POLE: variants seen among roughly 807,000 people sequenced by gnomAD.
The protein encoded by POLE is DNA polymerase epsilon, catalytic subunit, also known as DNA polymerase epsilon catalytic subunit A.
A neutral mutation model predicts 279.2 loss-of-function variants in POLE; 188 were observed. That is an observed-to-expected ratio of 0.67 (90% CI 0.60 to 0.76). The LOEUF (loss-of-function observed/expected upper bound fraction) is 0.76, where lower values mean the gene tolerates loss of function less well. Among genes scored for constraint, POLE ranks in the 30% least tolerant of loss-of-function variants. POLE has a pLI of 0.00. For missense variants in POLE, 2,703 were observed against 3,016.7 expected, an observed-to-expected ratio of 0.90 and a Z score of 2.44; for synonymous variants, 1,214 against 1,172.5, an observed-to-expected ratio of 1.04 and a Z score of -0.72.
At position 132,639,850 on chromosome 12, in the gene POLE, G is replaced by A. The variant is rs963789501; in HGVS notation, c.5379-552C>T. On this transcript the variant is annotated intron_variant, in intron 39 of 48. Coordinates refer to ENST00000320574, the MANE Select transcript of POLE (RefSeq NM_006231.4). The surrounding 1 kb of genome is among the most constrained non-coding windows in gnomAD (Gnocchi z 4.7). ...GTAATCCTGCTACTCGGGAGGCTAAGGCAGGAGAATCGCTTGAACCCGGGA... is the reference window on the plus strand; with the variant it reads ...GTAATCCTGCTACTCGGGAGGCTAAAGCAGGAGAATCGCTTGAACCCGGGA... Among the ~76,000 whole-genome samples the A allele has an allele frequency of 6.6e-6, 1 of 152,208 alleles. No homozygotes were observed. Among genetic ancestry groups the A allele is most frequent in the Non-Finnish European group, 1.5e-5 (1 of 68,042 alleles).
In POLE at chr12:132,665,370, C is replaced by A. The variant is rs776882880; in HGVS notation, c.2400G>T (p.Leu800=). ...EVKRCKNMEV[L]YDSLQLAHKC... is the part of the protein sequence containing the mutation. ...TGTGGGCCAGCTGCAGCGAGTCATA[C>A]AGCACCTCCATGTTCTTGCAGCGCT... Residue 800 remains leucine, a synonymous_variant, in exon 21 of 49, where the codon CTG becomes CTT. Coordinates refer to ENST00000320574, the MANE Select transcript of POLE (RefSeq NM_006231.4). 1.2e-6 allele frequency: 2 copies of A among 1,613,986 alleles called. No individual in the cohort carries two copies. The highest frequency in any genetic ancestry group is 2.2e-5 in the East Asian group (1 of 44,876).
chr12:132,686,787 T>G (rs1369106896), intron 1 of POLE, among the ~76,000 whole-genome samples: 1 of 151,966 alleles, frequency 6.6e-6, no homozygotes, highest in Non-Finnish European at 1.5e-5. Flanking sequence ...CAGGCTGATC[T>G]AGAACAGGAT....
chr12:132,664,398 GGGT>G lies in POLE; in HGVS notation c.2530_2532del (p.Thr844del). 1 of 1,614,018 alleles carries G rather than the reference GGGT, an allele frequency of 6.2e-7. No homozygotes were observed. Among genetic ancestry groups the G allele is most frequent in the South Asian group, 1.1e-5 (1 of 91,084 alleles). On this transcript the variant is annotated inframe_deletion, in exon 22 of 49. Transcript: ENST00000320574. The surrounding 1 kb of genome is among the most constrained non-coding windows in gnomAD (Gnocchi z 5.3). ...ATCTGCTCGATCAGCTCCCGTGCCT[GGGT>G]GATGATGTTGGCCCCTGTGAAGCAG...
At chr12:132,671,450 C>T (rs1343311349) in intron 16 of POLE, among the ~76,000 whole-genome samples, 1 of 151,158 alleles carries the variant, frequency 6.6e-6, no homozygotes, top group African/African-American at 2.5e-5. Flanking sequence ...GCAGGCGGAT[C>T]ACAAGGTCAG....
intron 5 of POLE, 121 bp downstream of exon 5, chr12:132,679,833 G>A: frequency 2.1e-6 from 2 of 974,320 alleles, no homozygotes; most frequent in South Asian, 3.2e-5. Context: ...TTTATAGACG[G>A]TCACCACACC....
intron 14 of POLE, 36 bp from the exon 15 acceptor site, chr12:132,672,875 C>T (rs2135994592): frequency 6.4e-7 from 1 of 1,574,610 alleles, no homozygotes; most frequent in Non-Finnish European, 8.7e-7. Context: ...CCAAAAGCAA[C>T]ACCAAAGGCC....
chr12:132,667,772 A>G, intron 19 of POLE, 124 bp from the exon 20 acceptor site: 2 of 1,019,852 alleles, frequency 2.0e-6, no homozygotes, highest in Non-Finnish European at 2.9e-6. Context: ...GCTCAGATAC[A>G]CTGCTAGTTT....
intron 29 of POLE, among the ~76,000 whole-genome samples, chr12:132,651,905 C>T (rs907372017): frequency 3.3e-5 from 5 of 152,228 alleles, no homozygotes; most frequent in African/African-American, 1.2e-4. Flanking sequence ...CTCGGATACA[C>T]GAGTGCATTT....
Position 132,634,072 on chromosome 12 carries a change from C to T in POLE, c.6004+114G>A, listed in dbSNP as rs773510650. The T allele has an allele frequency of 2.7e-5, 27 of 994,788 alleles. No homozygotes were observed. The highest frequency in any genetic ancestry group is 9.7e-5 in the African/African-American group (6 of 61,656). 61.6% of individuals were successfully genotyped at this position (994,788 alleles called of 1,614,324 possible). A position where few individuals can be genotyped will look rare whatever the true frequency, so the allele number is the denominator to read the frequency against. On this transcript the variant is annotated intron_variant, in intron 43 of 48. Coordinates refer to ENST00000320574, the MANE Select transcript of POLE (RefSeq NM_006231.4). This position sits in a 1 kb window ranked among gnomAD's most constrained non-coding sequence, Gnocchi z 4.0. The stretch of plus-strand genomic sequence containing the variant: ...AAAGTCCCAACTGCTGGGCAGGCTC[C>T]GCCCGATCTGATTTTCCCTGTCTCC...
rs2042595128 is a variant in POLE, at chr12:132,658,327, T to C, written c.3276-357A>G. On this transcript the variant is annotated intron_variant, in intron 26 of 48. Transcript: ENST00000320574. ...AAACACGTGCATGTTCGTAACTATG[T>C]CTACATGTTTCTCACGGCATAACCA... 11 of 228,086 alleles carry C rather than the reference T, an allele frequency of 4.8e-5. 1 individual carries two copies. The South Asian group carries it at 6.3e-4, about 13-fold the overall frequency. 14.1% of individuals were successfully genotyped at this position (228,086 alleles called of 1,614,324 possible).
rs139875948 is a variant in POLE, at chr12:132,653,008, T to C, written c.3583-3119A>G. 7.5e-3 allele frequency among the ~76,000 whole-genome samples: 1,139 copies of C among 152,346 alleles called. 13 individuals carry two copies. The highest frequency in any genetic ancestry group is 0.026 in the African/African-American group (1,085 of 41,570). On this transcript the variant is annotated intron_variant, in intron 29 of 48. Transcript: ENST00000320574. ...TGAATTAATATGGGGCAAACTGCCA[T>C]ATTTTAATACTGAGTCCTTTCATCT...
At chr12:132,679,752 C>T (rs2043128715) in intron 5 of POLE, 101 bp from the exon 6 acceptor site, 1 of 1,372,510 alleles carries the variant, frequency 7.3e-7, no homozygotes, top group Non-Finnish European at 1.0e-6. Context: ...AAAGAGTTGG[C>T]GACTTCAAGG....
chr12:132,676,534 C>T lies in POLE; in HGVS notation c.909+12G>A, dbSNP rs1288404656. 1.1e-5 allele frequency: 18 copies of T among 1,583,168 alleles called. No homozygotes were observed. Among genetic ancestry groups the T allele is most frequent in the Non-Finnish European group, 1.6e-5 (18 of 1,151,774 alleles). On this transcript the variant is annotated intron_variant, in intron 9 of 48. Transcript: ENST00000320574. ...ATCCCAGGAGCTTACTTCCCAGAAG[C>T]CACCTGCTCACCTGGCCATCGATCA...
chr12:132,657,068 G>T (rs1050996647), intron 29 of POLE, 68 bp downstream of exon 29: 2 of 1,538,966 alleles, frequency 1.3e-6, no homozygotes, highest in East Asian at 2.3e-5. Flanking sequence ...ACACAGCAGC[G>T]CAAGAAGCCT....
intron 6 of POLE, 73 bp from the exon 7 acceptor site, chr12:132,677,792 G>A (rs2136022316): frequency 1.4e-6 from 2 of 1,422,972 alleles, no homozygotes; most frequent in Admixed American, 3.6e-5. Context: ...TTCCAACTCA[G>A]TAGGAAGAGG....
At chr12:132,663,591 G>A (rs184063956) in intron 23 of POLE, among the ~76,000 whole-genome samples, 1 of 152,282 alleles carries the variant, frequency 6.6e-6, no homozygotes, top group East Asian at 1.9e-4. Context: ...AGAGAAGAGG[G>A]GCTATGGTGG....
chr12:132,655,812 T>A (rs2042519170), intron 29 of POLE, among the ~76,000 whole-genome samples: 1 of 152,158 alleles, frequency 6.6e-6, no homozygotes, highest in Non-Finnish European at 1.5e-5. Context: ...GGTATACGTA[T>A]TTTTTACTCC....
rs1390451656 is a variant in POLE, at chr12:132,649,795, G to A, written c.3677C>T (p.Pro1226Leu). ...GLVKLPHPAAPVTVKRKRVLW... is the reference protein window; with the variant it reads ...GLVKLPHPAALVTVKRKRVLW... ...AACTCGCTTCCTCTTCACAGTGACA[G>A]GGGCTGCTGGGTGAGGCAGCTTTAC... The change falls in exon 30 of 49, where the codon CCT becomes CTT. Residue 1226 changes from proline (P) to leucine (L), a missense_variant. Coordinates refer to ENST00000320574, the MANE Select transcript of POLE (RefSeq NM_006231.4). 1.2e-5 allele frequency: 19 copies of A among 1,614,188 alleles called. No individual in the cohort carries two copies. Among genetic ancestry groups the A allele is most frequent in the Non-Finnish European group, 1.4e-5 (17 of 1,180,044 alleles).
rs1167117347 is a variant in POLE at position 132,658,881 on chromosome 12, C to CAAAAAAAAAAAAAAAAAAAAAA, written c.3275+392_3275+413dup. 4.1e-4 allele frequency among the ~76,000 whole-genome samples: 14 copies of CAAAAAAAAAAAAAAAAAAAAAA among 33,836 alleles called. 3 individuals carry two copies. Among genetic ancestry groups the CAAAAAAAAAAAAAAAAAAAAAA allele is most frequent in the Non-Finnish European group, 7.3e-4 (13 of 17,928 alleles). The allele number at this position is 33,836 out of a possible 152,430, so 22.2% of individuals were successfully genotyped here. A position where few individuals can be genotyped will look rare whatever the true frequency, so the allele number is the denominator to read the frequency against. ...ACTGGTCCTATTTGTATATAACCAC[C>CAAAAAAAAAAAAAAAAAAAAAA]AAAAAAAAAAAAAAAAAAAAAAAAA... is the stretch of plus-strand genomic sequence containing the variant. On this transcript the variant is annotated intron_variant, in intron 26 of 48. Transcript: ENST00000320574.
Sources: allele counts gnomAD v4.1 joint callset (sites outside exome capture counted in the v4.1 genomes callset), GRCh38; gene constraint gnomAD v4.1.1; non-coding constraint Gnocchi (gnomAD v3.1); transcripts MANE v1.5; gene names NCBI Gene and HGNC (gene_info 2026-07-23, HGNC 2026-07-21).